Variants in BAAT observed in about 807,000 individuals in gnomAD.
The protein encoded by BAAT is bile acid-CoA:amino acid N-acyltransferase, also known as bile acid CoA: amino acid N-acyltransferase (glycine N-choloyltransferase).
BAAT carries 13 observed loss-of-function variants against 18.9 expected under a neutral mutation model. The ratio of observed to expected loss-of-function variants is 0.69; its 90% CI spans 0.45 to 1.10. The LOEUF (loss-of-function observed/expected upper bound fraction) is 1.10. Among genes scored for constraint, BAAT ranks in the 50% least tolerant of loss-of-function variants. The probability of loss-of-function intolerance (pLI) is 0.00; values close to 1 mark genes in which losing one functional copy is unlikely to be tolerated. For missense variants in BAAT, 489 were observed against 504.0 expected (o/e 0.97, Z 0.28); for synonymous variants, 170 against 190.7 (o/e 0.89, Z 0.89).
At position 101,362,405 on chromosome 9, in the gene BAAT, T is replaced by A. The variant is rs1829742414; in HGVS notation, c.*23A>T. On this transcript the variant is annotated 3_prime_UTR_variant, in exon 4 of 4. Transcript: ENST00000259407. ...CCCGGTAAAGAGATTTGCTTCTTTA[T>A]TTTCTAGGAATATCTAGTCTTCTTA... The A allele has an allele frequency of 6.2e-7, 1 of 1,610,014 alleles. No individual in the cohort carries two copies. The highest frequency in any genetic ancestry group is 1.3e-5 in the African/African-American group (1 of 74,848).
intron 3 of BAAT, among the ~76,000 whole-genome samples, 172 bp from the exon 4 acceptor site, chr9:101,363,187 C>G (rs924099978): frequency 9.2e-5 from 14 of 152,142 alleles, no homozygotes; most frequent in Non-Finnish European, 1.5e-5. Context: ...AAAAGAAATA[C>G]TCCAAAAATA....
intron 1 of BAAT, among the ~76,000 whole-genome samples, chr9:101,372,061 A>C (rs1829958029): frequency 6.6e-6 from 1 of 152,164 alleles, no homozygotes; most frequent in Admixed American, 6.5e-5. Flanking sequence ...GAAACAGATA[A>C]CCAAATACCT....
rs141259482 is a variant in BAAT, at chr9:101,372,565, C to G, written c.-59-1102G>C. ...GAAAGCCACAAGAGTTACCACTGTT[C>G]TCTCTCTAACAAACACAACTATCTG... On this transcript the variant is annotated intron_variant, in intron 1 of 3. Coordinates refer to ENST00000259407, the MANE Select transcript of BAAT (RefSeq NM_001701.4). Among the ~76,000 whole-genome samples, 344 of 150,316 alleles carry G rather than the reference C, an allele frequency of 2.3e-3. 1 individual carries two copies. Among genetic ancestry groups the G allele is most frequent in the African/African-American group, 7.9e-3 (323 of 41,014 alleles).
intron 1 of BAAT, among the ~76,000 whole-genome samples, 54 bp downstream of exon 1, chr9:101,384,801 T>C (rs1226149): frequency 0.4 from 60,683 of 151,918 alleles, 13,505 homozygotes; most frequent in African/African-American, 0.6. Flanking sequence ...GTCTGGATTG[T>C]GGTGAAAAAT....
At chr9:101,369,472 T>C (rs1829889852) in intron 2 of BAAT, among the ~76,000 whole-genome samples, 1 of 152,138 alleles carries the variant, frequency 6.6e-6, no homozygotes, top group Non-Finnish European at 1.5e-5. Context: ...CCTTATAACC[T>C]CACACAACTC....
rs192118386 is a variant in BAAT at position 101,382,189 on chromosome 9, C to T, written c.-60+2666G>A. Reference sequence around the variant, plus strand: ...GCTTCTCTAAAATAACAATTGGTCACAGCCAGCACCAGGGAGAGGCAGTTT... The same window carrying T: ...GCTTCTCTAAAATAACAATTGGTCATAGCCAGCACCAGGGAGAGGCAGTTT... On this transcript the variant is annotated intron_variant, in intron 1 of 3. Coordinates refer to ENST00000259407, the MANE Select transcript of BAAT (RefSeq NM_001701.4). 9.0e-4 allele frequency among the ~76,000 whole-genome samples: 137 copies of T among 152,288 alleles called. 1 individual carries two copies. Among genetic ancestry groups the T allele is most frequent in the Admixed American group, 1.6e-3 (24 of 15,290 alleles).
At chr9:101,380,239 A>C (rs1193195775) in intron 1 of BAAT, among the ~76,000 whole-genome samples, 1 of 152,172 alleles carries the variant, frequency 6.6e-6, no homozygotes. Context: ...GTATAAGAGC[A>C]CCTACCATAA....
chr9:101,366,577 C>A (rs1184984095), intron 3 of BAAT, among the ~76,000 whole-genome samples: 3 of 151,996 alleles, frequency 2.0e-5, no homozygotes, highest in Non-Finnish European at 2.9e-5. Context: ...AGTCATGCAG[C>A]AAATATAAGG....
Position 101,371,006 on chromosome 9 carries a change from C to T in BAAT, c.399G>A (p.Val133=), listed in dbSNP as rs764182372. The change falls in exon 2 of 4, where the codon GTG becomes GTA. Residue 133 remains valine (V), a synonymous_variant. Coordinates refer to ENST00000259407, the MANE Select transcript of BAAT (RefSeq NM_001701.4). ...KASLTLERWY[V]APGVTRIKVR... ...CCTTAATTCGTGTGACACCAGGTGC[C>T]ACATACCACCTCTCCAAAGTCAGGC... 6.2e-7 allele frequency: 1 copy of T among 1,614,112 alleles called. No homozygotes were observed. Among genetic ancestry groups the T allele is most frequent in the African/African-American group, 1.3e-5 (1 of 75,044 alleles).
rs752835678 is a variant in BAAT, at chr9:101,370,904, A to G, written c.466+35T>C. Reference sequence around the variant, plus strand: ...CGGATAATGTATTTAAAGTGGAAAAACAAGAATAACAATAAGCAGAGTAAT... The same window carrying G: ...CGGATAATGTATTTAAAGTGGAAAAGCAAGAATAACAATAAGCAGAGTAAT... On this transcript the variant is annotated intron_variant, in intron 2 of 3. Coordinates refer to ENST00000259407, the MANE Select transcript of BAAT (RefSeq NM_001701.4). 3.1e-6 allele frequency: 5 copies of G among 1,602,782 alleles called. No homozygotes were observed. In the East Asian group the frequency reaches 1.1e-4, roughly 36 times the overall value.
intron 1 of BAAT, among the ~76,000 whole-genome samples, chr9:101,371,757 A>C (rs1829950271): frequency 6.6e-6 from 1 of 152,216 alleles, no homozygotes. Context: ...AATCTGTTAT[A>C]CAGAACCTTT....
chr9:101,362,643 C>T lies in BAAT; in HGVS notation c.1042G>A (p.Gly348Arg). The T allele has an allele frequency of 6.2e-7, 1 of 1,614,136 alleles. No homozygotes were observed. Among genetic ancestry groups the T allele is most frequent in the Non-Finnish European group, 8.5e-7 (1 of 1,180,026 alleles). Residue 348 changes from glycine (G) to arginine (R), a missense_variant, in exon 4 of 4, where the codon GGG becomes AGG. Transcript: ENST00000259407. Reference protein sequence around the residue: ...EQAIGQLKRHGKNNWTLLSYP... With the variant: ...EQAIGQLKRHRKNNWTLLSYP... ...GATAGCAGGGTCCAGTTGTTCTTCC[C>T]ATGTCTCTTCAGCTGTCCTATGGCT...
intron 3 of BAAT, among the ~76,000 whole-genome samples, chr9:101,363,432 A>T (rs999562294): frequency 1.3e-5 from 2 of 151,018 alleles, no homozygotes; most frequent in African/African-American, 2.4e-5. Flanking sequence ...AGTTGAACAG[A>T]GGATTCTAGA....
intron 1 of BAAT, among the ~76,000 whole-genome samples, chr9:101,381,160 T>C (rs190600435): frequency 6.6e-6 from 1 of 152,116 alleles, no homozygotes; most frequent in Non-Finnish European, 1.5e-5. Flanking sequence ...ATGGGATGAA[T>C]GGAAATGGGA....
chr9:101,380,925 T>C (rs1830122735), intron 1 of BAAT, among the ~76,000 whole-genome samples: 1 of 151,690 alleles, frequency 6.6e-6, no homozygotes, highest in African/African-American at 2.4e-5. Flanking sequence ...GCCAATTTTT[T>C]TGTGTTTTTT....
At chr9:101,371,899 T>C (rs1347975673) in intron 1 of BAAT, among the ~76,000 whole-genome samples, 1 of 152,138 alleles carries the variant, frequency 6.6e-6, no homozygotes, top group African/African-American at 2.4e-5. Flanking sequence ...GGAAACAGAA[T>C]GCCTTGCATC....
Position 101,371,317 on chromosome 9 carries a change from C to T in BAAT, c.88G>A (p.Val30Met). The T allele has an allele frequency of 6.2e-7, 1 of 1,613,962 alleles. No individual in the cohort carries two copies. Among genetic ancestry groups the T allele is most frequent in the Non-Finnish European group, 8.5e-7 (1 of 1,179,926 alleles). Residue 30 changes from valine (V) to methionine (M), a missense_variant, in exon 2 of 4, where the codon GTG becomes ATG. Transcript: ENST00000259407. ...TCTTCCAGTGATGCCTGAAAACTCA[C>T]CATCTGAAAGGGAATCAGGCCTGTA... ...RATGLIPFQM[V>M]SFQASLEDEN...
At chr9:101,379,296 C>A in intron 1 of BAAT, among the ~76,000 whole-genome samples, 1 of 152,306 alleles carries the variant, frequency 6.6e-6, no homozygotes. Flanking sequence ...CCACCGCATC[C>A]GGCGAATGTC....
chr9:101,376,625 A>T (rs866269238), intron 1 of BAAT: 3 of 152,256 alleles, frequency 2.0e-5, no homozygotes, highest in Non-Finnish European at 1.5e-5. Flanking sequence ...CCTCACTAGA[A>T]CAGTCAGCAG....
Sources: gnomAD v4.1 joint callset for allele counts (sites outside exome capture counted in the v4.1 genomes callset) on GRCh38, gnomAD v4.1.1 for gene constraint, MANE v1.5 for transcripts, NCBI Gene and HGNC (gene_info 2026-07-23, HGNC 2026-07-21) for gene names.